CEP170: variants seen among roughly 807,000 people sequenced by gnomAD.
CEP170 encodes centrosomal protein 170.
Under a neutral mutation model 151.9 loss-of-function variants are expected in CEP170, and 21 were observed. The observed-to-expected ratio is 0.14, with a 90% CI of 0.10 to 0.20. The LOEUF is 0.20. Ranked by LOEUF, CEP170 falls within the 10% of genes least tolerant of loss-of-function variation. CEP170 has a pLI of 1.00. For missense variants in CEP170, 964 were observed against 1,892.9 expected, an observed-to-expected ratio of 0.51 and a Z score of 9.11; for synonymous variants, 356 against 648.8, an observed-to-expected ratio of 0.55 and a Z score of 6.86.
At chr1:243,197,606 C>G (rs2060740268) in intron 7 of CEP170, among the ~76,000 whole-genome samples, 1 of 152,056 alleles carries the variant, frequency 6.6e-6, no homozygotes, top group Non-Finnish European at 1.5e-5. Context: ...GTAGCATGTA[C>G]CCCTTCCTGC....
intron 2 of CEP170, among the ~76,000 whole-genome samples, chr1:243,223,972 C>T (rs1306978712): frequency 2.0e-5 from 3 of 152,062 alleles, no homozygotes; most frequent in African/African-American, 7.2e-5. Flanking sequence ...GAACATAATA[C>T]ATCTAGTGAC....
At chr1:243,183,126 C>G (rs2059734292) in intron 10 of CEP170, among the ~76,000 whole-genome samples, 1 of 152,022 alleles carries the variant, frequency 6.6e-6, no homozygotes, top group African/African-American at 2.4e-5. Context: ...TATTCCAGTA[C>G]ACAGCCATTT....
chr1:243,201,695 G>A (rs2061046167), intron 4 of CEP170, among the ~76,000 whole-genome samples: 1 of 152,100 alleles, frequency 6.6e-6, no homozygotes, highest in African/African-American at 2.4e-5. Context: ...AAACTTGTGA[G>A]TATTTATTCT....
At chr1:243,214,527 T>A (rs1487900903) in intron 3 of CEP170, among the ~76,000 whole-genome samples, 6 of 145,340 alleles carry the variant, frequency 4.1e-5, no homozygotes, top group Non-Finnish European at 4.7e-5. Flanking sequence ...CTTAGGTGAT[T>A]CACCTGCCTC....
At chr1:243,247,185 A>C (rs878905627) in intron 1 of CEP170, among the ~76,000 whole-genome samples, 2 of 152,192 alleles carry the variant, frequency 1.3e-5, no homozygotes, top group Admixed American at 1.3e-4. Flanking sequence ...TCCAGAAAAA[A>C]GTCAGTTAAA....
chr1:243,144,761 ATTG>A, intron 14 of CEP170, among the ~76,000 whole-genome samples: 1 of 152,312 alleles, frequency 6.6e-6, no homozygotes, highest in East Asian at 1.9e-4. Flanking sequence ...TACAACATAT[ATTG>A]TTGATTTGAA....
At chr1:243,250,453 G>A (rs2065837177) in intron 1 of CEP170, among the ~76,000 whole-genome samples, 1 of 152,210 alleles carries the variant, frequency 6.6e-6, no homozygotes, top group African/African-American at 2.4e-5. Flanking sequence ...TACACAATGG[G>A]AGAAATCTAG....
intron 16 of CEP170, among the ~76,000 whole-genome samples, chr1:243,139,105 C>CTTT (rs370290389): frequency 7.3e-6 from 1 of 136,118 alleles, no homozygotes. Flanking sequence ...TTTTCTTTTT[C>CTTT]TTTTTTTTTT....
chr1:243,153,459 G>A (rs1396662976), intron 14 of CEP170, among the ~76,000 whole-genome samples: 1 of 152,164 alleles, frequency 6.6e-6, no homozygotes, highest in South Asian at 2.1e-4. Flanking sequence ...GTCAATCAAC[G>A]TGGCAGACTT....
intron 10 of CEP170, among the ~76,000 whole-genome samples, chr1:243,175,770 C>T (rs1381953775): frequency 6.6e-6 from 1 of 150,728 alleles, no homozygotes; most frequent in Non-Finnish European, 1.5e-5. Context: ...TACTGTCATC[C>T]CACCTGCTGG....
At chr1:243,226,296 TTAAGA>T (rs1386102351) in intron 1 of CEP170, among the ~76,000 whole-genome samples, 1 of 150,648 alleles carries the variant, frequency 6.6e-6, no homozygotes, top group Non-Finnish European at 1.5e-5. Flanking sequence ...CTGGTATTTA[TTAAGA>T]TAACATTAAC....
At chr1:243,141,321 G>T (rs2055807262) in intron 15 of CEP170, among the ~76,000 whole-genome samples, 1 of 152,204 alleles carries the variant, frequency 6.6e-6, no homozygotes, top group Non-Finnish European at 1.5e-5. Context: ...CAACTACTCA[G>T]TTCTGCCCCT....
chr1:243,127,637 CGATA>C lies in CEP170; in HGVS notation c.4465+608_4465+611del, dbSNP rs565167697. On this transcript the variant is annotated intron_variant, in intron 19 of 19. Coordinates refer to ENST00000366542, the MANE Select transcript of CEP170 (RefSeq NM_014812.3). The stretch of plus-strand genomic sequence containing the variant: ...ATCCACATAAGTACCTATGATTATT[CGATA>C]GATAAAGACTCAGTAGAATTAGCAG... Among the ~76,000 whole-genome samples the C allele has an allele frequency of 3.6e-3, 549 of 152,014 alleles. 2 individuals carry two copies. Among genetic ancestry groups the C allele is most frequent in the African/African-American group, 0.012 (511 of 41,428 alleles).
At position 243,125,169 on chromosome 1, in the gene CEP170, T is replaced by C. The variant is rs867462546; in HGVS notation, c.*1280A>G. The C allele has an allele frequency of 3.9e-4, 60 of 152,268 alleles. No individual in the cohort carries two copies. In the Middle Eastern group the frequency reaches 0.01, roughly 26 times the overall value. 9.4% of individuals were successfully genotyped at this position (152,268 alleles called of 1,614,324 possible). ...CTAATAATATTTAACTGAATTAAGA[T>C]ACACCCCAATTATAGTGTTCTGGAA... On this transcript the variant is annotated 3_prime_UTR_variant, in exon 20 of 20. Transcript: ENST00000366542.
chr1:243,140,801 T>C (rs1273132146), intron 15 of CEP170, among the ~76,000 whole-genome samples: 2 of 152,224 alleles, frequency 1.3e-5, no homozygotes, highest in Non-Finnish European at 2.9e-5. Flanking sequence ...GTTTATTCAA[T>C]GAAATGTTTA....
intron 7 of CEP170, among the ~76,000 whole-genome samples, chr1:243,192,492 A>G (rs2060367472): frequency 6.6e-6 from 1 of 152,198 alleles, no homozygotes; most frequent in East Asian, 1.9e-4. Flanking sequence ...TGAAGAAGCA[A>G]AGCATGTCCA....
chr1:243,245,390 G>A (rs1302643561), intron 1 of CEP170, among the ~76,000 whole-genome samples: 2 of 151,848 alleles, frequency 1.3e-5, no homozygotes, highest in Non-Finnish European at 2.9e-5. Context: ...GACCAGCCTA[G>A]GGAACAAAAT....
rs771015583 is a variant in CEP170, at chr1:243,164,642, T to C, written c.3318A>G (p.Ala1106=). ...RPTRTSLLRR[A]RLGEASDSEL... ...CACTGTCTGAAGCTTCACCAAGTCG[T>C]GCTCTGCGCAAGAGGGAAGTCCTGG... The change falls in exon 13 of 20, where the codon GCA becomes GCG. Residue 1106 remains alanine, a synonymous_variant. Transcript: ENST00000366542. 3.7e-6 allele frequency: 6 copies of C among 1,613,810 alleles called. No homozygotes were observed. The South Asian group carries it at 6.6e-5, about 18-fold the overall frequency.
At chr1:243,137,298 T>C (rs1197504417) in intron 16 of CEP170, among the ~76,000 whole-genome samples, 1 of 152,184 alleles carries the variant, frequency 6.6e-6, no homozygotes, top group Non-Finnish European at 1.5e-5. Context: ...ACTCCTTATA[T>C]TGTCAGTACT....
Sources: allele counts gnomAD v4.1 joint callset (sites outside exome capture counted in the v4.1 genomes callset), GRCh38; gene constraint gnomAD v4.1.1; transcripts MANE v1.5; gene names NCBI Gene and HGNC (gene_info 2026-07-23, HGNC 2026-07-21).